The following EXOC6B variants were observed in gnomAD, a reference collection of about 807,000 sequenced individuals.
EXOC6B encodes the protein SEC15 homolog B.
A neutral mutation model predicts 113.5 loss-of-function variants in EXOC6B; 54 were observed. The ratio of observed to expected loss-of-function variants is 0.48; its 90% CI spans 0.38 to 0.60. EXOC6B has a LOEUF of 0.60. Among genes scored for constraint, EXOC6B ranks in the 20% least tolerant of loss-of-function variants. The pLI is 0.00. For missense variants in EXOC6B, 797 were observed against 977.5 expected, an observed-to-expected ratio of 0.82 and a Z score of 2.46; for synonymous variants, 357 against 339.0, an observed-to-expected ratio of 1.05 and a Z score of -0.58.
chr2:72,308,672 C>A (rs753624673), intron 20 of EXOC6B, among the ~76,000 whole-genome samples: 67 of 152,162 alleles, frequency 4.4e-4, no homozygotes, highest in Non-Finnish European at 8.7e-4. Flanking sequence ...AAGCAATGGG[C>A]TAACATTCTG....
At chr2:72,678,312 T>C (rs1676456080) in intron 6 of EXOC6B, among the ~76,000 whole-genome samples, 1 of 152,250 alleles carries the variant, frequency 6.6e-6, no homozygotes, top group African/African-American at 2.4e-5. Context: ...TTTCAAGGCC[T>C]ATAAATACTG....
At chr2:72,368,959 C>G (rs1690819198) in intron 19 of EXOC6B, among the ~76,000 whole-genome samples, 1 of 152,160 alleles carries the variant, frequency 6.6e-6, no homozygotes, top group Non-Finnish European at 1.5e-5. Context: ...TGGCACAAGA[C>G]AGGGATGCCC....
At chr2:72,342,186 TAAAC>T (rs759469809) in intron 19 of EXOC6B, among the ~76,000 whole-genome samples, 1 of 151,380 alleles carries the variant, frequency 6.6e-6, no homozygotes, top group East Asian at 1.9e-4. Context: ...AGTTCTCAAA[TAAAC>T]AACCTAAATT....
At chr2:72,379,675 CAG>C (rs902413985) in intron 19 of EXOC6B, 52 bp downstream of exon 19, 1 of 1,533,560 alleles carries the variant, frequency 6.5e-7, no homozygotes, top group African/African-American at 1.4e-5. Flanking sequence ...TTTCCCCTGA[CAG>C]AAATGAGTTT....
At chr2:72,548,287 T>C (rs1200333185) in intron 8 of EXOC6B, among the ~76,000 whole-genome samples, 2 of 152,192 alleles carry the variant, frequency 1.3e-5, no homozygotes, top group Non-Finnish European at 2.9e-5. Flanking sequence ...TTACAATACA[T>C]GAACTCCTGA....
intron 6 of EXOC6B, among the ~76,000 whole-genome samples, chr2:72,637,686 A>T (rs1200441851): frequency 6.6e-6 from 1 of 151,826 alleles, no homozygotes; most frequent in Non-Finnish European, 1.5e-5. Context: ...GCTACTGGGG[A>T]GGCTGAGGCA....
At position 72,419,348 on chromosome 2, in the gene EXOC6B, C is replaced by T. The variant is rs1304059024; in HGVS notation, c.1981-39478G>A. On this transcript the variant is annotated intron_variant, in intron 18 of 21. Coordinates refer to ENST00000272427, the MANE Select transcript of EXOC6B (RefSeq NM_015189.3). ...AAAGCAGAGTTACAACTTCTCATTA[C>T]AATAATAACAGCTTTCATAATGGCC... Among the ~76,000 whole-genome samples, 4 of 152,148 alleles carry T rather than the reference C, an allele frequency of 2.6e-5. No homozygotes were observed. In the South Asian group the frequency reaches 6.2e-4, roughly 24 times the overall value.
At chr2:72,517,300 A>G (rs1382944429) in intron 8 of EXOC6B, among the ~76,000 whole-genome samples, 1 of 152,218 alleles carries the variant, frequency 6.6e-6, no homozygotes, top group East Asian at 1.9e-4. Context: ...GATTTTAAAA[A>G]TGTAAAAAAC....
rs1398910742 is a variant in EXOC6B at position 72,823,477 on chromosome 2, AACAAAAAAC to A, written c.113+2312_113+2320del. Among the ~76,000 whole-genome samples, 72 of 110,040 alleles carry A rather than the reference AACAAAAAAC, an allele frequency of 6.5e-4. 10 individuals are homozygous for A. Among genetic ancestry groups the A allele is most frequent in the African/African-American group, 2.4e-3 (57 of 23,926 alleles). The allele number at this position is 110,040 out of a possible 152,430, so 72.2% of individuals were successfully genotyped here. Reference sequence around the variant, plus strand: ...GTTTTAAGAAAAAAAAAAAAAAAAAAACAAAAAACAAAAAAAAAGACAGTGGCCAGGCAC... The same window carrying A: ...GTTTTAAGAAAAAAAAAAAAAAAAAAAAAAAAAAAGACAGTGGCCAGGCAC... On this transcript the variant is annotated intron_variant, in intron 1 of 21. Coordinates refer to ENST00000272427, the MANE Select transcript of EXOC6B (RefSeq NM_015189.3).
chr2:72,576,818 A>G (rs1361203843), intron 6 of EXOC6B, among the ~76,000 whole-genome samples: 2 of 152,150 alleles, frequency 1.3e-5, no homozygotes, highest in Non-Finnish European at 2.9e-5. Flanking sequence ...GCTTTCTTTT[A>G]ATGTAATATT....
At chr2:72,689,950 T>C (rs925692003) in intron 6 of EXOC6B, among the ~76,000 whole-genome samples, 2 of 152,232 alleles carry the variant, frequency 1.3e-5, no homozygotes, top group African/African-American at 2.4e-5. Flanking sequence ...TTTGAATTCT[T>C]CACAACAGGA....
intron 20 of EXOC6B, among the ~76,000 whole-genome samples, chr2:72,282,019 C>T (rs1255184311): frequency 6.6e-6 from 1 of 152,114 alleles, no homozygotes; most frequent in African/African-American, 2.4e-5. Flanking sequence ...TAATTGGCAA[C>T]TTAGAATTCA....
chr2:72,516,423 T>A (rs960523938), intron 8 of EXOC6B, among the ~76,000 whole-genome samples: 1 of 152,072 alleles, frequency 6.6e-6, no homozygotes, highest in African/African-American at 2.4e-5. Context: ...AATTTTTGTA[T>A]TTTTAGTAGA....
At chr2:72,289,494 T>C (rs1685652894) in intron 20 of EXOC6B, among the ~76,000 whole-genome samples, 2 of 152,172 alleles carry the variant, frequency 1.3e-5, no homozygotes, top group Admixed American at 1.3e-4. Context: ...ACTCGGTTGG[T>C]ATTCCACTCA....
chr2:72,412,235 T>A (rs1302189071), intron 18 of EXOC6B, among the ~76,000 whole-genome samples: 1 of 152,186 alleles, frequency 6.6e-6, no homozygotes, highest in Non-Finnish European at 1.5e-5. Context: ...AACAAGAGGC[T>A]ACAAAACAAT....
intron 20 of EXOC6B, among the ~76,000 whole-genome samples, chr2:72,316,863 A>G (rs76210026): frequency 2.0e-5 from 3 of 152,350 alleles, no homozygotes; most frequent in Non-Finnish European, 4.4e-5. Flanking sequence ...TGAAGGATTT[A>G]TAAAGAAGAT....
At chr2:72,556,958 G>A (rs1703579852) in intron 8 of EXOC6B, among the ~76,000 whole-genome samples, 1 of 149,600 alleles carries the variant, frequency 6.7e-6, no homozygotes, top group Non-Finnish European at 1.5e-5. Flanking sequence ...CAGAAAGGAG[G>A]GAAAAAAACA....
At chr2:72,612,662 G>A (rs960017088) in intron 6 of EXOC6B, among the ~76,000 whole-genome samples, 7 of 152,150 alleles carry the variant, frequency 4.6e-5, no homozygotes, top group African/African-American at 1.4e-4. Flanking sequence ...AAAGCATCAG[G>A]TTAAAAGCTA....
chr2:72,611,670 T>A (rs912813566), intron 6 of EXOC6B, among the ~76,000 whole-genome samples: 7 of 152,092 alleles, frequency 4.6e-5, no homozygotes, highest in Admixed American at 1.3e-4. Context: ...TTTCTGTGAA[T>A]CTAAAATTTC....
Sources: allele counts gnomAD v4.1 joint callset (sites outside exome capture counted in the v4.1 genomes callset), GRCh38; gene constraint gnomAD v4.1.1; transcripts MANE v1.5; gene names NCBI Gene and HGNC (gene_info 2026-07-23, HGNC 2026-07-21).